The following CUX2 variants were observed in gnomAD, a reference collection of about 807,000 sequenced individuals.
The protein encoded by CUX2 is homeobox protein cut-like 2.
Under a neutral mutation model 144.8 loss-of-function variants are expected in CUX2, and 40 were observed. The observed-to-expected ratio is 0.28, with a 90% confidence interval of 0.21 to 0.36. The LOEUF (loss-of-function observed/expected upper bound fraction) is 0.36. Among genes scored for constraint, CUX2 ranks in the 10% least tolerant of loss-of-function variants. The pLI, the probability that CUX2 is intolerant of heterozygous loss-of-function variation, is 1.00. For synonymous variants in CUX2, 827 were observed against 875.6 expected, an observed-to-expected ratio of 0.94 and a Z score of 0.98; for missense variants, 1,615 against 1,994.0, an observed-to-expected ratio of 0.81 and a Z score of 3.62.
chr12:111,296,897 G>C (rs1448575453), intron 8 of CUX2, among the ~76,000 whole-genome samples: 26 of 74,926 alleles, frequency 3.5e-4, no homozygotes, highest in Admixed American at 1.4e-3. Context: ...CCCTCCCAGA[G>C]AGGCCTCCTA....
In CUX2 at chr12:111,171,096, A is replaced by G. The variant is rs1376197701; in HGVS notation, c.64-43104A>G. On this transcript the variant is annotated intron_variant, in intron 1 of 21. Transcript: ENST00000261726. This position sits in a 1 kb window ranked among gnomAD's most constrained non-coding sequence, Gnocchi z 5.0. ...GAGTGGCGTTGGCATCCAAGGAGAG[A>G]ATAGGTGCTGGTAACACCTGGAGTC... 6.6e-6 allele frequency among the ~76,000 whole-genome samples: 1 copy of G among 152,036 alleles called. No homozygotes were observed. Among genetic ancestry groups the G allele is most frequent in the African/African-American group, 2.4e-5 (1 of 41,382 alleles).
chr12:111,187,373 G>A (rs796676710), intron 1 of CUX2, among the ~76,000 whole-genome samples: 19 of 152,070 alleles, frequency 1.2e-4, no homozygotes, highest in Admixed American at 3.3e-4. Context: ...GTCCCCGCTC[G>A]TTTAGGTCTT....
In CUX2 at chr12:111,186,662, G is replaced by C. The variant is rs1879552201; in HGVS notation, c.64-27538G>C. ...CGCCATCTGCCAGCTGTGTGACCTT[G>C]TATGACCTTGCCACTCTGAGCCTCT... is the stretch of plus-strand genomic sequence containing the variant. On this transcript the variant is annotated intron_variant, in intron 1 of 21. Coordinates refer to ENST00000261726, the MANE Select transcript of CUX2 (RefSeq NM_015267.4). The surrounding 1 kb of genome is among the most constrained non-coding windows in gnomAD (Gnocchi z 4.4). Among the ~76,000 whole-genome samples the C allele has an allele frequency of 6.6e-6, 1 of 152,238 alleles. No homozygotes were observed. The highest frequency in any genetic ancestry group is 2.1e-4 in the South Asian group (1 of 4,836).
In CUX2 at chr12:111,147,442, A is replaced by T. The variant is rs982809081; in HGVS notation, c.64-66758A>T. ...TGTCCCCACTGCCCGCCAGGCTCCC[A>T]CTGTGCCCCTGTCTTTTCCCTAGTC... is the stretch of plus-strand genomic sequence containing the variant. On this transcript the variant is annotated intron_variant, in intron 1 of 21. Transcript: ENST00000261726. Among the ~76,000 whole-genome samples, 16 of 152,218 alleles carry T rather than the reference A, an allele frequency of 1.1e-4. No individual in the cohort carries two copies. In the East Asian group the frequency reaches 1.5e-3, roughly 15 times the overall value.
chr12:111,119,544 C>T (rs1390918182), intron 1 of CUX2, among the ~76,000 whole-genome samples: 2 of 152,098 alleles, frequency 1.3e-5, no homozygotes, highest in Non-Finnish European at 2.9e-5. Flanking sequence ...TGTGGAGTGT[C>T]CCTCTGGCCC....
At chr12:111,205,671 C>T (rs548840152) in intron 1 of CUX2, among the ~76,000 whole-genome samples, 69 of 152,252 alleles carry the variant, frequency 4.5e-4, no homozygotes, top group South Asian at 2.1e-4. Flanking sequence ...CTCAAGGGGT[C>T]CTGACAACCC....
At chr12:111,333,073 G>C (rs1271641725) in intron 18 of CUX2, among the ~76,000 whole-genome samples, 1 of 152,120 alleles carries the variant, frequency 6.6e-6, no homozygotes, top group African/African-American at 2.4e-5. Flanking sequence ...GCCGGGTGTG[G>C]TGGCATGCAC....
chr12:111,319,139 C>T (rs907016199), intron 16 of CUX2, among the ~76,000 whole-genome samples: 3 of 151,914 alleles, frequency 2.0e-5, no homozygotes, highest in Non-Finnish European at 4.4e-5. Context: ...TATGGCAAAA[C>T]CCCGTCTCTA....
At chr12:111,097,892 G>A (rs570158606) in intron 1 of CUX2, among the ~76,000 whole-genome samples, 4 of 152,354 alleles carry the variant, frequency 2.6e-5, no homozygotes, top group African/African-American at 7.2e-5. Context: ...TGAGCTTGGA[G>A]TGGTTGGTGG....
In CUX2 at chr12:111,293,629, C is replaced by A. The variant is rs1885811579; in HGVS notation, c.560+60C>A. The A allele has an allele frequency of 6.5e-7, 1 of 1,534,146 alleles. No homozygotes were observed. Among genetic ancestry groups the A allele is most frequent in the Admixed American group, 2.0e-5 (1 of 49,840 alleles). Reference sequence around the variant, plus strand: ...AATGGGCAGGGCTCCTGCTGCCCCACCTGGCTGGGTCGTGGACGGGGAAAG... The same window carrying A: ...AATGGGCAGGGCTCCTGCTGCCCCAACTGGCTGGGTCGTGGACGGGGAAAG... On this transcript the variant is annotated intron_variant, in intron 6 of 21. Transcript: ENST00000261726. This position sits in a 1 kb window ranked among gnomAD's most constrained non-coding sequence, Gnocchi z 4.5.
At chr12:111,091,308 A>G (rs893177476) in intron 1 of CUX2, among the ~76,000 whole-genome samples, 1 of 152,214 alleles carries the variant, frequency 6.6e-6, no homozygotes, top group Admixed American at 6.5e-5. Context: ...CCGCAGCCCC[A>G]AAGCTGCCAG....
rs1884939897 is a variant in CUX2, at chr12:111,277,618, CTA to C, written c.301+13780_301+13781del. On this transcript the variant is annotated intron_variant, in intron 4 of 21. Coordinates refer to ENST00000261726, the MANE Select transcript of CUX2 (RefSeq NM_015267.4). This position sits in a 1 kb window ranked among gnomAD's most constrained non-coding sequence, Gnocchi z 5.0. ...ACCCATCCTTTGTCCATCATTCCCT[CTA>C]GAGTGTCAGCCCCAGGAGGGCAGGA... Among the ~76,000 whole-genome samples the C allele has an allele frequency of 6.6e-6, 1 of 152,140 alleles. No individual in the cohort carries two copies. The highest frequency in any genetic ancestry group is 2.4e-5 in the African/African-American group (1 of 41,430).
chr12:111,249,973 T>G (rs963269434), intron 3 of CUX2, among the ~76,000 whole-genome samples: 3 of 152,164 alleles, frequency 2.0e-5, no homozygotes, highest in African/African-American at 7.2e-5. Context: ...ACTCTTTGTG[T>G]TGCAAAGTTC....
chr12:111,247,947 C>T (rs1883357892), intron 3 of CUX2, among the ~76,000 whole-genome samples: 1 of 152,214 alleles, frequency 6.6e-6, no homozygotes, highest in African/African-American at 2.4e-5. Context: ...TGCTCTGTCA[C>T]CCAGGCTAGA....
intron 3 of CUX2, among the ~76,000 whole-genome samples, chr12:111,259,668 A>G (rs1159754097): frequency 6.6e-6 from 1 of 151,936 alleles, no homozygotes; most frequent in Non-Finnish European, 1.5e-5. Context: ...GTTCAAGACC[A>G]GCTTGAGCAA....
In CUX2 at chr12:111,059,303, G is replaced by A. The variant is rs1399468852; in HGVS notation, c.63+25063G>A. ...CATTTCCATTCTGGAATTGGGCCCA[G>A]TCTCTGAAAAAATGTGCAGACTCCA... On this transcript the variant is annotated intron_variant, in intron 1 of 21. Transcript: ENST00000261726. This position sits in a 1 kb window ranked among gnomAD's most constrained non-coding sequence, Gnocchi z 5.3. Among the ~76,000 whole-genome samples, 1 of 152,240 alleles carries A rather than the reference G, an allele frequency of 6.6e-6. No individual in the cohort carries two copies. Among genetic ancestry groups the A allele is most frequent in the Non-Finnish European group, 1.5e-5 (1 of 68,046 alleles).
rs181945807 is a variant in CUX2, at chr12:111,293,366, G to A, written c.437-80G>A. The A allele has an allele frequency of 8.5e-5, 127 of 1,501,120 alleles. 2 individuals are homozygous for A. In the African/African-American group the frequency reaches 1.3e-3, roughly 15 times the overall value. The allele number at this position is 1,501,120 out of a possible 1,614,324, so 93.0% of individuals were successfully genotyped here. On this transcript the variant is annotated intron_variant, in intron 5 of 21. Transcript: ENST00000261726. The surrounding 1 kb of genome is among the most constrained non-coding windows in gnomAD (Gnocchi z 4.5). ...GGGAAATTGATCACAATCAATGATC[G>A]ATCCGGTTTACAGAAAGCGGCTCTG...
Position 111,307,231 on chromosome 12 carries a change from C to T in CUX2, c.1083C>T (p.Asp361=). ...AAGAGAAGCTCCAGGCCCAGTCTGA[C>T]TATGAGGAAATTAAAACGGAGCTGA... ...KLEEKLQAQS[D]YEEIKTELSI... The change falls in exon 12 of 22, where the codon GAC becomes GAT. Residue 361 remains aspartate, a synonymous_variant. Transcript: ENST00000261726. The surrounding 1 kb of genome is among the most constrained non-coding windows in gnomAD (Gnocchi z 4.1). The T allele has an allele frequency of 6.2e-7, 1 of 1,614,180 alleles. No individual in the cohort carries two copies. Among genetic ancestry groups the T allele is most frequent in the Non-Finnish European group, 8.5e-7 (1 of 1,180,034 alleles).
chr12:111,112,916 T>C (rs143159011), intron 1 of CUX2, among the ~76,000 whole-genome samples: 20 of 152,328 alleles, frequency 1.3e-4, no homozygotes, highest in African/African-American at 4.8e-4. Flanking sequence ...GGGTTCAGCG[T>C]CTCTGCAGAC....
Sources: gnomAD v4.1 joint callset for allele counts (sites outside exome capture counted in the v4.1 genomes callset) on GRCh38, gnomAD v4.1.1 for gene constraint, Gnocchi (gnomAD v3.1) non-coding constraint, MANE v1.5 for transcripts, NCBI Gene and HGNC (gene_info 2026-07-23, HGNC 2026-07-21) for gene names.